The following PLA2G4A variants were observed in gnomAD, a reference collection of about 807,000 sequenced individuals.
PLA2G4A encodes cytosolic phospholipase A2.
PLA2G4A carries 40 observed loss-of-function variants against 81.9 expected under a neutral mutation model. The observed-to-expected ratio is 0.49, with a 90% CI of 0.38 to 0.64. The LOEUF (loss-of-function observed/expected upper bound fraction) is 0.64, where lower values mean the gene tolerates loss of function less well. Ranked by LOEUF, PLA2G4A falls within the 30% of genes least tolerant of loss-of-function variation. The pLI, the probability that PLA2G4A is intolerant of heterozygous loss-of-function variation, is 0.00. For synonymous variants in PLA2G4A, 302 were observed against 296.9 expected (o/e 1.02, Z -0.18); for missense variants, 715 against 905.1 (o/e 0.79, Z 2.69).
Position 186,977,643 on chromosome 1 carries a change from A to G in PLA2G4A, c.1815A>G (p.Pro605=), listed in dbSNP as rs2102295639. The stretch of plus-strand genomic sequence containing the variant: ...CTAAAATGAACAAGCTCCCCTTTCC[A>G]AAGATTGATCCTTATGTGTTTGATC... The part of the protein sequence containing the change: ...KWAKMNKLPF[P]KIDPYVFDRE... The change falls in exon 16 of 18, where the codon CCA becomes CCG. Residue 605 remains proline (P), a synonymous_variant. Coordinates refer to ENST00000367466, the MANE Select transcript of PLA2G4A (RefSeq NM_024420.3). 6.2e-7 allele frequency: 1 copy of G among 1,613,806 alleles called. No individual in the cohort carries two copies. The highest frequency in any genetic ancestry group is 8.5e-7 in the Non-Finnish European group (1 of 1,179,716).
At chr1:186,857,128 A>AT (rs376625133) in intron 2 of PLA2G4A, among the ~76,000 whole-genome samples, 1 of 2,300 alleles carries the variant, frequency 4.3e-4, no homozygotes, top group African/African-American at 7.2e-4. Flanking sequence ...ATATTCTATA[A>AT]TATATATTAT....
At chr1:186,837,742 AAAAAAAAAAAG>A (rs1287952128) in intron 1 of PLA2G4A, among the ~76,000 whole-genome samples, 1 of 147,978 alleles carries the variant, frequency 6.8e-6, no homozygotes, top group African/African-American at 2.5e-5. Context: ...GTCTCAAAAA[AAAAAAAAAAAG>A]AAAAAGAAAA....
At chr1:186,945,833 A>C (rs549526461) in intron 10 of PLA2G4A, among the ~76,000 whole-genome samples, 3 of 152,210 alleles carry the variant, frequency 2.0e-5, no homozygotes, top group Non-Finnish European at 4.4e-5. Flanking sequence ...GAATACATGA[A>C]ACATAAAGTG....
chr1:186,924,010 G>A (rs1027053472), intron 7 of PLA2G4A, among the ~76,000 whole-genome samples: 5 of 152,010 alleles, frequency 3.3e-5, no homozygotes, highest in South Asian at 4.2e-4. Context: ...AACCTCCCTC[G>A]TAGTTCAATA....
chr1:186,934,276 G>A (rs1041865144), intron 8 of PLA2G4A, among the ~76,000 whole-genome samples: 1 of 151,766 alleles, frequency 6.6e-6, no homozygotes, highest in African/African-American at 2.4e-5. Context: ...ATCTAATAAA[G>A]CAAGACTAGA....
chr1:186,925,379 C>T (rs1342096445), intron 7 of PLA2G4A, among the ~76,000 whole-genome samples: 1 of 152,176 alleles, frequency 6.6e-6, no homozygotes, highest in Non-Finnish European at 1.5e-5. Context: ...AAAACAGAAA[C>T]CTATTTCTAT....
intron 3 of PLA2G4A, among the ~76,000 whole-genome samples, chr1:186,884,543 G>C (rs1190947484): frequency 6.6e-6 from 1 of 152,088 alleles, no homozygotes; most frequent in Admixed American, 6.6e-5. Context: ...ATGAAAAGCT[G>C]ATGAGTAAAC....
In PLA2G4A at chr1:186,850,569, TA is replaced by T. The variant is rs1280221394; in HGVS notation, c.-69-3716del. ...CAGTGCCTACTACAGACTAGGTAGA[TA>T]GTAAAGATGTATTTGTTGAATGAAC... On this transcript the variant is annotated intron_variant, in intron 1 of 17. Transcript: ENST00000367466. Among the ~76,000 whole-genome samples the T allele has an allele frequency of 2.0e-5, 3 of 152,266 alleles. No individual in the cohort carries two copies. The East Asian group carries it at 5.8e-4, about 29-fold the overall frequency.
chr1:186,940,205 T>A (rs1019970544), intron 10 of PLA2G4A, 111 bp downstream of exon 10: 180 of 731,860 alleles, frequency 2.5e-4, no homozygotes, highest in Non-Finnish European at 4.0e-4. Flanking sequence ...TTTAATGTAT[T>A]TTCTGTAACA....
chr1:186,867,675 A>G (rs1571347994), intron 2 of PLA2G4A, among the ~76,000 whole-genome samples: 6 of 152,056 alleles, frequency 3.9e-5, no homozygotes, highest in Admixed American at 3.9e-4. Flanking sequence ...TTCTCAATCT[A>G]TATGCCTTTT....
intron 7 of PLA2G4A, among the ~76,000 whole-genome samples, chr1:186,927,669 G>C (rs541134304): frequency 2.4e-4 from 36 of 152,272 alleles, no homozygotes; most frequent in African/African-American, 7.9e-4. Flanking sequence ...AGCTTTGGAT[G>C]AAAATAGAAG....
chr1:186,937,240 C>A (rs1553217288), intron 8 of PLA2G4A, among the ~76,000 whole-genome samples: 1 of 122,712 alleles, frequency 8.1e-6, no homozygotes, highest in Non-Finnish European at 1.7e-5. Flanking sequence ...CCAACTGCTT[C>A]ATGAGACGGG....
rs1436163869 is a variant in PLA2G4A at position 186,857,117 on chromosome 1, A to AATT, written c.33+2732_33+2733insTAT. Among the ~76,000 whole-genome samples, 70 of 55,654 alleles carry AATT rather than the reference A, an allele frequency of 1.3e-3. 4 individuals are homozygous for AATT. The highest frequency in any genetic ancestry group is 6.5e-3 in the African/African-American group (65 of 9,938). 36.5% of individuals were successfully genotyped at this position (55,654 alleles called of 152,430 possible). On this transcript the variant is annotated intron_variant, in intron 2 of 17. Transcript: ENST00000367466. The stretch of plus-strand genomic sequence containing the variant: ...ATATAATATAATTATATAATTATAT[A>AATT]ATATTCTATAATATATATTATATAA...
At chr1:186,965,918 C>A (rs1007201946) in intron 15 of PLA2G4A, among the ~76,000 whole-genome samples, 9 of 151,490 alleles carry the variant, frequency 5.9e-5, no homozygotes, top group African/African-American at 2.2e-4. Flanking sequence ...GAGGGTACAC[C>A]CTGAGAAGAG....
chr1:186,902,893 A>AG (rs1654599179), intron 5 of PLA2G4A, among the ~76,000 whole-genome samples: 2 of 150,854 alleles, frequency 1.3e-5, no homozygotes, highest in African/African-American at 4.9e-5. Context: ...AAAAAAAAAA[A>AG]GAAAAAAGAA....
At chr1:186,933,117 C>T (rs978432695) in intron 8 of PLA2G4A, among the ~76,000 whole-genome samples, 10 of 151,992 alleles carry the variant, frequency 6.6e-5, no homozygotes, top group Non-Finnish European at 1.2e-4. Flanking sequence ...TTTTAAGCCA[C>T]TTTGTAACTT....
intron 6 of PLA2G4A, among the ~76,000 whole-genome samples, chr1:186,907,875 T>C (rs1654796389): frequency 6.6e-6 from 1 of 152,224 alleles, no homozygotes; most frequent in Non-Finnish European, 1.5e-5. Flanking sequence ...GTCCAAGTTA[T>C]TGTGTTGCAT....
At chr1:186,986,603 T>A (rs1333967309) in intron 17 of PLA2G4A, among the ~76,000 whole-genome samples, 1 of 152,250 alleles carries the variant, frequency 6.6e-6, no homozygotes, top group Non-Finnish European at 1.5e-5. Flanking sequence ...GCTTCACTTC[T>A]AATTTAGAGT....
chr1:186,887,104 A>G (rs1358344090), intron 3 of PLA2G4A, among the ~76,000 whole-genome samples: 1 of 152,190 alleles, frequency 6.6e-6, no homozygotes, highest in Non-Finnish European at 1.5e-5. Context: ...CACTGTTTTA[A>G]GCTCACTGTC....
Sources: allele counts gnomAD v4.1 joint callset (sites outside exome capture counted in the v4.1 genomes callset), GRCh38; gene constraint gnomAD v4.1.1; transcripts MANE v1.5; gene names NCBI Gene and HGNC (gene_info 2026-07-23, HGNC 2026-07-21).